PRDM16: variants seen among roughly 807,000 people sequenced by gnomAD.
PRDM16 encodes the protein histone-lysine N-methyltransferase PRDM16.
A neutral mutation model predicts 110.6 loss-of-function variants in PRDM16; 23 were observed. The observed-to-expected ratio is 0.21, with a 90% CI of 0.15 to 0.29. The LOEUF (loss-of-function observed/expected upper bound fraction) is 0.29, where lower values mean the gene tolerates loss of function less well. Among genes scored for constraint, PRDM16 ranks in the 10% least tolerant of loss-of-function variants. PRDM16 has a pLI of 1.00. For missense variants in PRDM16, 1,615 were observed against 1,794.3 expected (o/e 0.90, Z 1.81); for synonymous variants, 799 against 781.8 (o/e 1.02, Z -0.37).
At chr1:3,336,505 C>T (rs963322287) in intron 3 of PRDM16, among the ~76,000 whole-genome samples, 9 of 146,324 alleles carry the variant, frequency 6.2e-5, no homozygotes, top group Admixed American at 1.4e-4. Context: ...TGAGACTGAG[C>T]GTATTCATGC....
chr1:3,337,887 C>T (rs546848511), intron 3 of PRDM16, among the ~76,000 whole-genome samples: 9 of 151,768 alleles, frequency 5.9e-5, no homozygotes, highest in African/African-American at 2.0e-4. Context: ...CCCACATGCA[C>T]GGACACACAC....
rs754951901 is a variant in PRDM16, at chr1:3,430,875, G to A, written c.3288G>A (p.Ala1096=). The change falls in exon 15 of 17, where the codon GCG becomes GCA. Residue 1096 remains alanine (A), a synonymous_variant. Transcript: ENST00000270722. ...NQASTRTEKR[A]DMQIVDGSAQ... ...ATCTCCTCCTGCATCATTTCAGGGC[G>A]GACATGCAGATCGTGGACGGCAGTG... is the stretch of plus-strand genomic sequence containing the variant. 2.2e-5 allele frequency: 35 copies of A among 1,613,998 alleles called. No homozygotes were observed. Among genetic ancestry groups the A allele is most frequent in the East Asian group, 6.7e-5 (3 of 44,876 alleles).
intron 1 of PRDM16, among the ~76,000 whole-genome samples, chr1:3,085,052 C>G (rs1642118911): frequency 6.6e-6 from 1 of 152,220 alleles, no homozygotes; most frequent in Non-Finnish European, 1.5e-5. Context: ...CCCTTGGTCC[C>G]CAGCCGCACC....
chr1:3,179,400 C>T (rs897359902), intron 1 of PRDM16, among the ~76,000 whole-genome samples: 1 of 152,230 alleles, frequency 6.6e-6, no homozygotes, highest in Admixed American at 6.5e-5. Context: ...CTTCACCCCC[C>T]TGTGCCTCTG....
In PRDM16 at chr1:3,147,990, C is replaced by G. The variant is rs1643708006; in HGVS notation, c.38-38135C>G. Among the ~76,000 whole-genome samples the G allele has an allele frequency of 2.0e-5, 3 of 151,112 alleles. No individual in the cohort carries two copies. In the South Asian group the frequency reaches 6.2e-4, roughly 31 times the overall value. On this transcript the variant is annotated intron_variant, in intron 1 of 16. Coordinates refer to ENST00000270722, the MANE Select transcript of PRDM16 (RefSeq NM_022114.4). ...ACCTCAAACCCCATTCTCTGAACCC[C>G]ATCCTGCGGCAAACCCCATCCTGCT...
At chr1:3,169,675 G>A (rs996625567) in intron 1 of PRDM16, among the ~76,000 whole-genome samples, 2 of 152,106 alleles carry the variant, frequency 1.3e-5, no homozygotes, top group Non-Finnish European at 2.9e-5. Context: ...CGCCCCCCAC[G>A]GGCCCCCCAA....
chr1:3,173,184 T>C (rs1644045347), intron 1 of PRDM16, among the ~76,000 whole-genome samples: 1 of 152,178 alleles, frequency 6.6e-6, no homozygotes, highest in Admixed American at 6.5e-5. Flanking sequence ...AATCCGTGGC[T>C]ACCTTGCTGC....
chr1:3,292,204 C>T (rs952388235), intron 3 of PRDM16, among the ~76,000 whole-genome samples: 3 of 152,194 alleles, frequency 2.0e-5, no homozygotes, highest in South Asian at 2.1e-4. Flanking sequence ...TGTCCAATGC[C>T]GTCGCCAGGA....
Position 3,265,540 on chromosome 1 carries a change from A to G in PRDM16, c.438+21403A>G, listed in dbSNP as rs868203937. 2.6e-5 allele frequency among the ~76,000 whole-genome samples: 4 copies of G among 152,140 alleles called. No homozygotes were observed. The highest frequency in any genetic ancestry group is 1.3e-4 in the Admixed American group (2 of 15,284). On this transcript the variant is annotated intron_variant, in intron 3 of 16. Coordinates refer to ENST00000270722, the MANE Select transcript of PRDM16 (RefSeq NM_022114.4). The surrounding 1 kb of genome is among the most constrained non-coding windows in gnomAD (Gnocchi z 4.5). ...GGCAGATGCAGGGATGTGTGACTCAAGGGACCCATCCGAGGTTCATGGGAA... is the reference window on the plus strand; with the variant it reads ...GGCAGATGCAGGGATGTGTGACTCAGGGGACCCATCCGAGGTTCATGGGAA...
intron 1 of PRDM16, among the ~76,000 whole-genome samples, chr1:3,162,827 G>A (rs368168911): frequency 6.6e-6 from 1 of 152,088 alleles, no homozygotes; most frequent in Non-Finnish European, 1.5e-5. Flanking sequence ...GGGTCAAAGC[G>A]GCACCTCCGC....
chr1:3,293,830 G>A (rs910375721), intron 3 of PRDM16, among the ~76,000 whole-genome samples: 3 of 152,192 alleles, frequency 2.0e-5, no homozygotes, highest in Admixed American at 6.5e-5. Context: ...CCTGGTGAAC[G>A]TTGCCCCTTG....
intron 3 of PRDM16, among the ~76,000 whole-genome samples, chr1:3,313,694 C>CCGCAGTTGCTGACCCCAGGCAAACCT (rs1641522632): frequency 6.6e-6 from 1 of 152,246 alleles, no homozygotes; most frequent in African/African-American, 2.4e-5. Context: ...TCCGCCAGTG[C>CCGCAGTTGCTGACCCCAGGCAAACCT]CGCAGTTGCT....
intron 9 of PRDM16, among the ~76,000 whole-genome samples, chr1:3,413,169 A>C (rs1569735226): frequency 9.3e-6 from 1 of 107,304 alleles, no homozygotes. Flanking sequence ...CCCTCTCTCC[A>C]GCTGTCGTCT....
At position 3,435,765 on chromosome 1, in the gene PRDM16, G is replaced by T. The variant is rs915380649; in HGVS notation, c.*1954G>T. 8.6e-6 allele frequency: 2 copies of T among 232,238 alleles called. No individual in the cohort carries two copies. Among genetic ancestry groups the T allele is most frequent in the African/African-American group, 2.2e-5 (1 of 45,196 alleles). The allele number at this position is 232,238 out of a possible 1,614,324, so 14.4% of individuals were successfully genotyped here. A position where few individuals can be genotyped will look rare whatever the true frequency, so the allele number is the denominator to read the frequency against. On this transcript the variant is annotated 3_prime_UTR_variant, in exon 17 of 17. Transcript: ENST00000270722. ...GGCTGCTCCAGGACAAAAGACAATCGTCTCTGTGGGTGCCGGGTGGTCCAG... is the reference window on the plus strand; with the variant it reads ...GGCTGCTCCAGGACAAAAGACAATCTTCTCTGTGGGTGCCGGGTGGTCCAG...
chr1:3,213,003 C>T lies in PRDM16; in HGVS notation c.387+26529C>T, dbSNP rs1229111823. Among the ~76,000 whole-genome samples, 1 of 152,218 alleles carries T rather than the reference C, an allele frequency of 6.6e-6. No homozygotes were observed. The highest frequency in any genetic ancestry group is 1.5e-5 in the Non-Finnish European group (1 of 68,036). ...GCTGGACACAGGGAAGTCAGTGGGA[C>T]CTTTGTGGCCACGAAACAGGTCTCA... On this transcript the variant is annotated intron_variant, in intron 2 of 16. Transcript: ENST00000270722. This position sits in a 1 kb window ranked among gnomAD's most constrained non-coding sequence, Gnocchi z 5.3.
intron 3 of PRDM16, among the ~76,000 whole-genome samples, chr1:3,377,867 C>CACTTCT (rs1192382477): frequency 6.6e-6 from 1 of 152,226 alleles, no homozygotes; most frequent in Non-Finnish European, 1.5e-5. Context: ...CACTTGCATG[C>CACTTCT]ATCTGTTCGT....
chr1:3,364,257 G>A (rs564086393), intron 3 of PRDM16, among the ~76,000 whole-genome samples: 4 of 152,254 alleles, frequency 2.6e-5, no homozygotes, highest in African/African-American at 9.6e-5. Context: ...TTTTCCTTCG[G>A]CGTGAGGTCC....
Position 3,265,616 on chromosome 1 carries a change from C to T in PRDM16, c.438+21479C>T, listed in dbSNP as rs1640267709. The stretch of plus-strand genomic sequence containing the variant: ...AGAGGGAGAAGCAGACCGCAGAGGC[C>T]CCTCTTGGGTCTGGGAGCTCCTAAA... On this transcript the variant is annotated intron_variant, in intron 3 of 16. Coordinates refer to ENST00000270722, the MANE Select transcript of PRDM16 (RefSeq NM_022114.4). The surrounding 1 kb of genome is among the most constrained non-coding windows in gnomAD (Gnocchi z 4.5). 6.6e-6 allele frequency among the ~76,000 whole-genome samples: 1 copy of T among 151,956 alleles called. No homozygotes were observed. The highest frequency in any genetic ancestry group is 6.6e-5 in the Admixed American group (1 of 15,250).
rs755997550 is a variant in PRDM16, at chr1:3,370,737, G to A, written c.439-14415G>A. 2.3e-4 allele frequency among the ~76,000 whole-genome samples: 35 copies of A among 152,152 alleles called. No homozygotes were observed. Among genetic ancestry groups the A allele is most frequent in the Non-Finnish European group, 4.0e-4 (27 of 68,034 alleles). On this transcript the variant is annotated intron_variant, in intron 3 of 16. Transcript: ENST00000270722. This position sits in a 1 kb window ranked among gnomAD's most constrained non-coding sequence, Gnocchi z 4.8. ...GGTGTTCCCTTGTGTCTCACCATACGAAGTTGGGGAAGCCATAAGTGTCTG... is the reference window on the plus strand; with the variant it reads ...GGTGTTCCCTTGTGTCTCACCATACAAAGTTGGGGAAGCCATAAGTGTCTG...
Sources: gnomAD v4.1 joint callset for allele counts (sites outside exome capture counted in the v4.1 genomes callset) on GRCh38, gnomAD v4.1.1 for gene constraint, Gnocchi (gnomAD v3.1) non-coding constraint, MANE v1.5 for transcripts, NCBI Gene and HGNC (gene_info 2026-07-23, HGNC 2026-07-21) for gene names.